Variants in FBXL7 observed in about 807,000 individuals in gnomAD.
The protein encoded by FBXL7 is F-box/LRR-repeat protein 7.
In FBXL7, 12 loss-of-function variants were observed where a neutral mutation model predicts 38.3. That is an observed-to-expected ratio of 0.31 (90% confidence interval 0.20 to 0.51). FBXL7 has a LOEUF of 0.51. FBXL7 is among the 20% of genes least tolerant of loss of function. The pLI, the probability that FBXL7 is intolerant of heterozygous loss-of-function variation, is 0.98. For missense variants in FBXL7, 567 were observed against 676.4 expected (o/e 0.84, Z 1.79); for synonymous variants, 297 against 300.9 (o/e 0.99, Z 0.13).
At chr5:15,854,990 T>C (rs1252142143) in intron 2 of FBXL7, among the ~76,000 whole-genome samples, 1 of 152,210 alleles carries the variant, frequency 6.6e-6, no homozygotes, top group African/African-American at 2.4e-5. Context: ...GTTGTAATGA[T>C]AAGACCAGGG....
intron 1 of FBXL7, among the ~76,000 whole-genome samples, chr5:15,560,560 C>G (rs1423615930): frequency 6.6e-6 from 1 of 152,132 alleles, no homozygotes; most frequent in Non-Finnish European, 1.5e-5. Context: ...ACTTCCCGAC[C>G]AGATAATGGA....
chr5:15,847,542 T>C (rs1738947241), intron 2 of FBXL7, among the ~76,000 whole-genome samples: 1 of 152,182 alleles, frequency 6.6e-6, no homozygotes, highest in East Asian at 1.9e-4. Flanking sequence ...GTCCTCTGTG[T>C]ACATCCTGTA....
chr5:15,784,675 T>A (rs1049250031), intron 2 of FBXL7, among the ~76,000 whole-genome samples: 1 of 152,090 alleles, frequency 6.6e-6, no homozygotes, highest in Non-Finnish European at 1.5e-5. Context: ...CCCACCCCCC[T>A]GCTCCTGCTC....
At chr5:15,724,393 A>G (rs373807074) in intron 2 of FBXL7, among the ~76,000 whole-genome samples, 3 of 152,194 alleles carry the variant, frequency 2.0e-5, no homozygotes, top group South Asian at 2.1e-4. Flanking sequence ...TATGTATAGC[A>G]TGATAAATTT....
At position 15,500,582 on chromosome 5, in the gene FBXL7, G is replaced by T. The variant is rs1185472361; in HGVS notation, c.-95G>T. 6.4e-7 allele frequency: 1 copy of T among 1,555,366 alleles called. No individual in the cohort carries two copies. Among genetic ancestry groups the T allele is most frequent in the Non-Finnish European group, 8.9e-7 (1 of 1,127,058 alleles). ...AGCTTGGGGGGGATGTGCAGCTAAC[G>T]GTCCCGTCGGGCGGGCTTTCCTCGG... On this transcript the variant is annotated 5_prime_UTR_variant, in exon 1 of 4. Coordinates refer to ENST00000504595, the MANE Select transcript of FBXL7 (RefSeq NM_012304.5).
In FBXL7 at chr5:15,873,497, G is replaced by A. The variant is rs574084731; in HGVS notation, c.128-54393G>A. ...AGGAGGTGGTTTTTTGAAAAGAATA[G>A]CAAAATAGATAGACCACTAGCCAGA... is the stretch of plus-strand genomic sequence containing the variant. On this transcript the variant is annotated intron_variant, in intron 2 of 3. Transcript: ENST00000504595. Among the ~76,000 whole-genome samples, 13 of 151,916 alleles carry A rather than the reference G, an allele frequency of 8.6e-5. No individual in the cohort carries two copies. In the South Asian group the frequency reaches 2.3e-3, roughly 27 times the overall value.
At chr5:15,862,241 A>G (rs1739507494) in intron 2 of FBXL7, among the ~76,000 whole-genome samples, 1 of 152,146 alleles carries the variant, frequency 6.6e-6, no homozygotes, top group South Asian at 2.1e-4. Context: ...ACAAGATCTG[A>G]TGGTTTTATA....
chr5:15,892,847 G>A (rs568664039), intron 2 of FBXL7, among the ~76,000 whole-genome samples: 2 of 152,342 alleles, frequency 1.3e-5, no homozygotes, highest in African/African-American at 4.8e-5. Flanking sequence ...GCCGGGCGCG[G>A]TGGCTCACGC....
intron 2 of FBXL7, among the ~76,000 whole-genome samples, chr5:15,892,895 A>C (rs1011530228): frequency 1.3e-5 from 2 of 152,138 alleles, no homozygotes; most frequent in African/African-American, 4.8e-5. Context: ...AGGGGGGCGG[A>C]TCACGAGGTC....
At chr5:15,850,264 T>G (rs1463318637) in intron 2 of FBXL7, among the ~76,000 whole-genome samples, 1 of 152,230 alleles carries the variant, frequency 6.6e-6, no homozygotes, top group Non-Finnish European at 1.5e-5. Flanking sequence ...TTTGCATTGA[T>G]AAGTTCCAAA....
intron 2 of FBXL7, among the ~76,000 whole-genome samples, chr5:15,715,213 A>C (rs6554900): frequency 0.74 from 113,201 of 151,978 alleles, 42,395 homozygotes; most frequent in East Asian, 0.88. Context: ...AGAGACCAGG[A>C]CAGGCATGGT....
At chr5:15,702,235 CAA>C (rs34269968) in intron 2 of FBXL7, among the ~76,000 whole-genome samples, 380 of 137,026 alleles carry the variant, frequency 2.8e-3, no homozygotes, top group Middle Eastern at 0.011. Flanking sequence ...AGACTCCTCT[CAA>C]AAAAAAAAAA....
At chr5:15,806,994 A>G (rs1737731925) in intron 2 of FBXL7, among the ~76,000 whole-genome samples, 1 of 151,964 alleles carries the variant, frequency 6.6e-6, no homozygotes, top group Admixed American at 6.6e-5. Flanking sequence ...CTTGTTGCCC[A>G]GGCTGGAGTG....
rs1400004544 is a variant in FBXL7 at position 15,937,192 on chromosome 5, C to A, written c.*6C>A. ...CCAACCCGGCTTTCTTCTGAAGGGA[C>A]AGAGTTCATCCGGCGTTGTATTCAC... On this transcript the variant is annotated 3_prime_UTR_variant, in exon 4 of 4. Transcript: ENST00000504595. The A allele has an allele frequency of 6.3e-7, 1 of 1,576,076 alleles. No homozygotes were observed. Among genetic ancestry groups the A allele is most frequent in the Admixed American group, 1.8e-5 (1 of 57,030 alleles).
At chr5:15,868,396 T>G (rs541370925) in intron 2 of FBXL7, among the ~76,000 whole-genome samples, 1 of 152,232 alleles carries the variant, frequency 6.6e-6, no homozygotes, top group Non-Finnish European at 1.5e-5. Context: ...TAAATTTGCA[T>G]GTGTTAAGCC....
intron 2 of FBXL7, among the ~76,000 whole-genome samples, chr5:15,875,058 A>G (rs1740142104): frequency 1.3e-5 from 2 of 152,316 alleles, no homozygotes; most frequent in African/African-American, 4.8e-5. Context: ...ACTGGTACCA[A>G]AACAGATATA....
At chr5:15,837,661 T>TA (rs1738629459) in intron 2 of FBXL7, among the ~76,000 whole-genome samples, 2 of 152,270 alleles carry the variant, frequency 1.3e-5, no homozygotes, top group East Asian at 1.9e-4. Context: ...ACTTCCCATT[T>TA]AAAAAAATTC....
At chr5:15,661,282 A>T (rs1221336367) in intron 2 of FBXL7, among the ~76,000 whole-genome samples, 5 of 152,270 alleles carry the variant, frequency 3.3e-5, no homozygotes, top group African/African-American at 1.2e-4. Flanking sequence ...GTAATTTATT[A>T]GTTCTAATAG....
At chr5:15,751,025 A>G (rs1444228319) in intron 2 of FBXL7, among the ~76,000 whole-genome samples, 1 of 152,192 alleles carries the variant, frequency 6.6e-6, no homozygotes, top group South Asian at 2.1e-4. Context: ...TGTTCCATTG[A>G]AAAAGAATGA....
Sources: allele counts gnomAD v4.1 joint callset (sites outside exome capture counted in the v4.1 genomes callset), GRCh38; gene constraint gnomAD v4.1.1; transcripts MANE v1.5; gene names NCBI Gene and HGNC (gene_info 2026-07-23, HGNC 2026-07-21).